The following TJAP1 variants were observed in gnomAD, a reference collection of about 807,000 sequenced individuals.
The protein encoded by TJAP1 is tight junction associated protein 1, also known as tight junction-associated protein 1.
A neutral mutation model predicts 42.0 loss-of-function variants in TJAP1; 27 were observed. The observed-to-expected ratio is 0.64, with a 90% CI of 0.47 to 0.89. The LOEUF (loss-of-function observed/expected upper bound fraction) is 0.89. Among genes scored for constraint, TJAP1 ranks in the 40% least tolerant of loss-of-function variants. The pLI is 0.00. For missense variants in TJAP1, 712 were observed against 726.9 expected, an observed-to-expected ratio of 0.98 and a Z score of 0.24; for synonymous variants, 257 against 288.4, an observed-to-expected ratio of 0.89 and a Z score of 1.10.
intron 10 of TJAP1, chr6:43,504,028 T>C: frequency 1.9e-6 from 1 of 528,880 alleles, no homozygotes; most frequent in South Asian, 1.7e-5. Flanking sequence ...CATCTGATCA[T>C]GTTACCCCAA....
chr6:43,494,238 T>C (rs1788517836), intron 2 of TJAP1, among the ~76,000 whole-genome samples: 1 of 152,194 alleles, frequency 6.6e-6, no homozygotes. Context: ...AGATATGAAG[T>C]AGAGTCTTTC....
chr6:43,504,452 A>G (rs982112750), intron 10 of TJAP1: 2 of 419,758 alleles, frequency 4.8e-6, no homozygotes, highest in Non-Finnish European at 8.7e-6. Flanking sequence ...TGGTCTATGC[A>G]GATTCTCCAA....
At position 43,483,636 on chromosome 6, in the gene TJAP1, G is replaced by A. The variant is rs150919797; in HGVS notation, c.-122+5404G>A. Reference sequence around the variant, plus strand: ...GAGAGGAGTCGGTGGGAATGGTAATGAATAGTGTGAAAGAATCTGATTGTG... The same window carrying A: ...GAGAGGAGTCGGTGGGAATGGTAATAAATAGTGTGAAAGAATCTGATTGTG... On this transcript the variant is annotated intron_variant, in intron 2 of 10. Coordinates refer to ENST00000372449, the Ensembl canonical transcript of TJAP1. 1.3e-3 allele frequency among the ~76,000 whole-genome samples: 205 copies of A among 152,322 alleles called. 1 individual carries two copies. The highest frequency in any genetic ancestry group is 3.5e-3 in the Admixed American group (53 of 15,292).
Position 43,505,586 on chromosome 6 carries a change from C to T in TJAP1, c.1405C>T (p.Leu469Phe). The change falls in exon 11 of 11, where the codon CTT (leucine) becomes TTT (phenylalanine). Residue 469 changes from leucine to phenylalanine, a missense_variant. Coordinates refer to ENST00000372449, the Ensembl canonical transcript of TJAP1. The surrounding 1 kb of genome is among the most constrained non-coding windows in gnomAD (Gnocchi z 5.5). ...TTCTGCCCGACCCGAAGAGAGTGAG[C>T]TTTTGCTACCCACAGAACCTGACTC... is the stretch of plus-strand genomic sequence containing the variant. The T allele has an allele frequency of 1.2e-6, 2 of 1,613,674 alleles. No individual in the cohort carries two copies. The highest frequency in any genetic ancestry group is 1.7e-5 in the Admixed American group (1 of 60,034).
In TJAP1 at chr6:43,505,141, TCCA is replaced by T. The variant is rs748397584; in HGVS notation, c.965_967del (p.Pro322del). On this transcript the variant is annotated inframe_deletion, in exon 11 of 11. Transcript: ENST00000372449. The surrounding 1 kb of genome is among the most constrained non-coding windows in gnomAD (Gnocchi z 5.5). ...AGCTGAACCCCTACCCAACCCCGTC[TCCA>T]CCACACCCACTGTATCCTGGCCGCA... 1.2e-6 allele frequency: 2 copies of T among 1,614,084 alleles called. No homozygotes were observed. Among genetic ancestry groups the T allele is most frequent in the South Asian group, 2.2e-5 (2 of 91,080 alleles).
At position 43,505,096 on chromosome 6, in the gene TJAP1, G is replaced by A. The variant is rs560536663; in HGVS notation, c.915G>A (p.Leu305=). Residue 305 remains leucine (L), a synonymous_variant, in exon 11 of 11, where the codon CTG becomes CTA. Transcript: ENST00000372449. The surrounding 1 kb of genome is among the most constrained non-coding windows in gnomAD (Gnocchi z 5.5). ...CCAGGGGCTCCCCGGAGGAAGAGCTGCCCCTGCCAGCCTTTGAGAAGCTGA... is the reference window on the plus strand; with the variant it reads ...CCAGGGGCTCCCCGGAGGAAGAGCTACCCCTGCCAGCCTTTGAGAAGCTGA... 10 of 1,613,962 alleles carry A rather than the reference G, an allele frequency of 6.2e-6. No individual in the cohort carries two copies. Among genetic ancestry groups the A allele is most frequent in the East Asian group, 2.2e-5 (1 of 44,886 alleles).
intron 2 of TJAP1, among the ~76,000 whole-genome samples, chr6:43,481,152 G>T (rs1785224536): frequency 6.6e-6 from 1 of 152,180 alleles, no homozygotes; most frequent in Non-Finnish European, 1.5e-5. Flanking sequence ...TTTAGGGGCT[G>T]AGTTTTTCAT....
In TJAP1 at chr6:43,495,053, A is replaced by G. The variant is rs1788799329; in HGVS notation, c.-121-2828A>G. 6.6e-6 allele frequency among the ~76,000 whole-genome samples: 1 copy of G among 152,214 alleles called. No individual in the cohort carries two copies. The highest frequency in any genetic ancestry group is 1.5e-5 in the Non-Finnish European group (1 of 68,034). On this transcript the variant is annotated intron_variant, in intron 2 of 10. Coordinates refer to ENST00000372449, the Ensembl canonical transcript of TJAP1. The surrounding 1 kb of genome is among the most constrained non-coding windows in gnomAD (Gnocchi z 4.6). ...TCTCCTTAGGGACCTTTTCTTCCCC[A>G]CATGGGATTGGGAGTCCTCCTTGGG...
At chr6:43,503,955 T>C (rs111502897) in intron 10 of TJAP1, 15,247 of 687,056 alleles carry the variant, frequency 0.022, 233 homozygotes, top group South Asian at 0.033. Context: ...GAGAAGATCC[T>C]GGGCAGGAAG....
At chr6:43,504,703 G>A in intron 10 of TJAP1, 58 bp from the exon 11 acceptor site, 1 of 1,574,246 alleles carries the variant, frequency 6.4e-7, no homozygotes, top group Non-Finnish European at 8.6e-7. Flanking sequence ...TTCGCCATGA[G>A]TCAAGTTATC....
At chr6:43,481,079 G>A (rs556972123) in intron 2 of TJAP1, among the ~76,000 whole-genome samples, 3 of 152,188 alleles carry the variant, frequency 2.0e-5, no homozygotes, top group Non-Finnish European at 2.9e-5. Context: ...ATGTTTGTTT[G>A]TCAGGATGGT....
intron 2 of TJAP1, chr6:43,489,487 C>T (rs1235533775): frequency 2.6e-5 from 4 of 152,456 alleles, no homozygotes; most frequent in Non-Finnish European, 4.4e-5. Flanking sequence ...CTCTCCCAGC[C>T]CCTCAGAGCC....
rs758144088 is a variant in TJAP1, at chr6:43,505,362, C to T, written c.1181C>T (p.Pro394Leu). The T allele has an allele frequency of 1.9e-6, 3 of 1,609,326 alleles. No homozygotes were observed. The highest frequency in any genetic ancestry group is 3.3e-5 in the Admixed American group (2 of 59,858). ...CCCCACCACCAGCCCAGCCCAGCAC[C>T]CCTAACACTCAGTGCCCCAGCTAGC... is the stretch of plus-strand genomic sequence containing the variant. Residue 394 changes from proline to leucine, a missense_variant, in exon 11 of 11, where the codon CCC becomes CTC. Physicochemically the swap from Pro to Leu is moderately conservative, Grantham distance 98 (BLOSUM62 -3). Transcript: ENST00000372449. This position sits in a 1 kb window ranked among gnomAD's most constrained non-coding sequence, Gnocchi z 5.5.
At chr6:43,485,967 GT>G (rs113524829) in intron 2 of TJAP1, among the ~76,000 whole-genome samples, 4,985 of 141,918 alleles carry the variant, frequency 0.035, 226 homozygotes, top group African/African-American at 0.12. Context: ...GCCTTTTTAT[GT>G]TTTTTTTTTT....
At chr6:43,504,378 G>T in intron 10 of TJAP1, 2 of 244,050 alleles carry the variant, frequency 8.2e-6, no homozygotes, top group Non-Finnish European at 1.6e-5. Flanking sequence ...GCCTCCCAAA[G>T]TGCTGGGATT....
At chr6:43,501,891 C>CCACACACACA (rs550223728) in intron 6 of TJAP1, among the ~76,000 whole-genome samples, 21 of 39,076 alleles carry the variant, frequency 5.4e-4, no homozygotes, top group African/African-American at 7.5e-4. Flanking sequence ...GAATGCGGGG[C>CCACACACACA]CACACACACA....
At chr6:43,487,319 T>C (rs1203213215) in intron 2 of TJAP1, among the ~76,000 whole-genome samples, 1 of 152,204 alleles carries the variant, frequency 6.6e-6, no homozygotes, top group Non-Finnish European at 1.5e-5. Flanking sequence ...GATAAAACTC[T>C]GCTTATCATT....
intron 8 of TJAP1, 63 bp downstream of exon 8, chr6:43,502,680 A>C (rs1044534532): frequency 7.2e-6 from 11 of 1,530,474 alleles, no homozygotes; most frequent in Non-Finnish European, 9.8e-6. Flanking sequence ...GAGATCTGGG[A>C]TTGTGGGCCC....
chr6:43,485,985 T>G (rs1786383850), intron 2 of TJAP1, among the ~76,000 whole-genome samples: 1 of 152,068 alleles, frequency 6.6e-6, no homozygotes, highest in African/African-American at 2.4e-5. Flanking sequence ...TTTTTTTCTT[T>G]TTTTGAGACA....
Sources: allele counts gnomAD v4.1 joint callset (sites outside exome capture counted in the v4.1 genomes callset), GRCh38; gene constraint gnomAD v4.1.1; non-coding constraint Gnocchi (gnomAD v3.1); transcripts MANE v1.5; gene names NCBI Gene and HGNC (gene_info 2026-07-23, HGNC 2026-07-21).